Variants in EPCIP observed in about 807,000 individuals in gnomAD.
EPCIP encodes the protein exosomal polycystin-1-interacting protein.
the EPCIP span, among the ~76,000 whole-genome samples, chr21:32,800,560 G>A: frequency 6.6e-6 from 1 of 152,260 alleles, no homozygotes; most frequent in Non-Finnish European, 1.5e-5. Flanking sequence ...GCTCACGCCT[G>A]TAATCCCAGC....
At chr21:32,809,673 T>C in the EPCIP span, among the ~76,000 whole-genome samples, 2 of 152,078 alleles carry the variant, frequency 1.3e-5, no homozygotes, top group Admixed American at 1.3e-4. Flanking sequence ...CCATTGTGTT[T>C]TCTTATTCTC....
the EPCIP span, among the ~76,000 whole-genome samples, chr21:32,805,469 C>A: frequency 2.0e-5 from 3 of 151,870 alleles, no homozygotes; most frequent in Admixed American, 6.6e-5. Flanking sequence ...TCAAGCAATT[C>A]TCCTGCCTCA....
chr21:32,794,565 A>T, the EPCIP span: 1 of 767,798 alleles, frequency 1.3e-6, no homozygotes, highest in Non-Finnish European at 2.1e-6. Flanking sequence ...AGAAAAAAAC[A>T]AGTTGTAAAC....
At chr21:32,790,689 T>A in the EPCIP span, 1 of 152,138 alleles carries the variant, frequency 6.6e-6, no homozygotes, top group Non-Finnish European at 1.5e-5. Context: ...GAAAGCAAGT[T>A]TATTAACAAA....
At chr21:32,813,535 GA>G in the EPCIP span, 1 of 459,958 alleles carries the variant, frequency 2.2e-6, no homozygotes, top group East Asian at 7.1e-5. Context: ...CTGAAGCTCT[GA>G]AAAACTGTCA....
the EPCIP span, chr21:32,794,225 A>G: frequency 6.2e-7 from 1 of 1,614,274 alleles, no homozygotes; most frequent in African/African-American, 1.3e-5. Flanking sequence ...AAGGGGCAGG[A>G]CGGTTTTACA....
the EPCIP span, among the ~76,000 whole-genome samples, chr21:32,806,204 A>G: frequency 6.6e-6 from 1 of 152,214 alleles, no homozygotes; most frequent in Non-Finnish European, 1.5e-5. Context: ...AGTGGTGGAC[A>G]GAAGCATTTT....
the EPCIP span, chr21:32,810,588 T>G: frequency 2.1e-6 from 1 of 471,172 alleles, no homozygotes; most frequent in African/African-American, 2.0e-5. Context: ...TATTGTTGCA[T>G]GTCCCCAGCT....
the EPCIP span, among the ~76,000 whole-genome samples, chr21:32,811,296 TA>T: frequency 6.6e-6 from 1 of 152,148 alleles, no homozygotes; most frequent in Non-Finnish European, 1.5e-5. Flanking sequence ...CACGCCCAGC[TA>T]ATTTTTGTAT....
chr21:32,812,714 G>A, the EPCIP span, among the ~76,000 whole-genome samples: 10 of 152,068 alleles, frequency 6.6e-5, no homozygotes, highest in African/African-American at 2.4e-4. Flanking sequence ...TTTTTTAAGG[G>A]TGGGTTTTTT....
chr21:32,793,936 C>T, the EPCIP span: 1 of 1,614,228 alleles, frequency 6.2e-7, no homozygotes, highest in Non-Finnish European at 8.5e-7. Flanking sequence ...ACATACATGG[C>T]TGCCAGCCTT....
chr21:32,803,430 G>T, the EPCIP span, among the ~76,000 whole-genome samples: 17 of 152,248 alleles, frequency 1.1e-4, no homozygotes, highest in African/African-American at 3.4e-4. Context: ...ACTTGTCCAG[G>T]GCTGTGCAAC....
chr21:32,802,593 CCTT>C, the EPCIP span, among the ~76,000 whole-genome samples: 1 of 152,196 alleles, frequency 6.6e-6, no homozygotes, highest in Admixed American at 6.5e-5. Flanking sequence ...TTTGTTGACT[CCTT>C]CTAACTCCAG....
At chr21:32,797,102 G>T in the EPCIP span, 2 of 429,698 alleles carry the variant, frequency 4.7e-6, no homozygotes, top group Non-Finnish European at 9.5e-6. Context: ...CTGCCTCCTG[G>T]ACATTAGGAA....
chr21:32,794,138 T>A, the EPCIP span: 6 of 1,614,176 alleles, frequency 3.7e-6, no homozygotes, highest in Non-Finnish European at 5.1e-6. Context: ...CAGCGTGAAG[T>A]TCAGCAGGTG....
At chr21:32,798,141 C>A in the EPCIP span, 4 of 152,188 alleles carry the variant, frequency 2.6e-5, no homozygotes, top group African/African-American at 9.7e-5. Flanking sequence ...TCAAGACCAG[C>A]CCAGCCAACA....
At chr21:32,796,808 G>A in the EPCIP span, 217 of 347,692 alleles carry the variant, frequency 6.2e-4, no homozygotes, top group East Asian at 1.0e-3. Context: ...CAGTAACCCT[G>A]TTATCCCAGA....
the EPCIP span, among the ~76,000 whole-genome samples, chr21:32,795,987 T>TCCTTCCCCCCTTCCA: frequency 7.0e-6 from 1 of 141,866 alleles, no homozygotes; most frequent in Admixed American, 7.0e-5. Context: ...CTTCCTTCCC[T>TCCTTCCCCCCTTCCA]CCTTCCCTCC....
chr21:32,813,328 A>G, the EPCIP span, among the ~76,000 whole-genome samples: 12 of 152,332 alleles, frequency 7.9e-5, no homozygotes, highest in Non-Finnish European at 1.5e-4. Flanking sequence ...TTCTTTGCTT[A>G]ATGCACTGAA....
Sources: gnomAD v4.1 joint callset for allele counts (sites outside exome capture counted in the v4.1 genomes callset) on GRCh38, gnomAD v4.1.1 for gene constraint, MANE v1.5 for transcripts, NCBI Gene and HGNC (gene_info 2026-07-23, HGNC 2026-07-21) for gene names.